Variants in SAMTOR observed in about 807,000 individuals in gnomAD.
The protein encoded by SAMTOR is UPF0532 protein C7orf60.
the SAMTOR span, among the ~76,000 whole-genome samples, chr7:112,915,064 C>T: frequency 2.0e-5 from 3 of 151,916 alleles, no homozygotes; most frequent in Non-Finnish European, 4.4e-5. Flanking sequence ...GATGGTGAAA[C>T]CCCATCTCTA....
the SAMTOR span, chr7:112,832,686 A>G: frequency 8.3e-6 from 12 of 1,451,046 alleles, no homozygotes; most frequent in South Asian, 1.2e-5. Flanking sequence ...CTAAAAACAG[A>G]TATTTTATAA....
the SAMTOR span, among the ~76,000 whole-genome samples, chr7:112,907,190 A>T: frequency 6.6e-6 from 1 of 152,204 alleles, no homozygotes; most frequent in African/African-American, 2.4e-5. Context: ...AACCAACTAT[A>T]TGGGAAAACT....
At chr7:112,939,616 C>T in the SAMTOR span, 2 of 1,614,092 alleles carry the variant, frequency 1.2e-6, no homozygotes, top group East Asian at 2.2e-5. Context: ...TGCGGAGCCG[C>T]CGGTGGACGC....
At chr7:112,878,671 T>C in the SAMTOR span, among the ~76,000 whole-genome samples, 4 of 152,200 alleles carry the variant, frequency 2.6e-5, no homozygotes, top group Non-Finnish European at 5.9e-5. Context: ...GCTGGAATTT[T>C]GCAGGAGCAA....
At chr7:112,829,920 T>C in the SAMTOR span, among the ~76,000 whole-genome samples, 2 of 152,206 alleles carry the variant, frequency 1.3e-5, no homozygotes, top group Admixed American at 6.5e-5. Context: ...CAGTACCTTA[T>C]CTAGTCTCAT....
chr7:112,843,760 TGAG>T, the SAMTOR span, among the ~76,000 whole-genome samples: 1 of 151,884 alleles, frequency 6.6e-6, no homozygotes, highest in Non-Finnish European at 1.5e-5. Flanking sequence ...TCCAAAAGAC[TGAG>T]GAGGAGGGAC....
the SAMTOR span, among the ~76,000 whole-genome samples, chr7:112,874,004 C>T: frequency 6.6e-6 from 1 of 152,140 alleles, no homozygotes; most frequent in African/African-American, 2.4e-5. Context: ...CAATGAGACA[C>T]CGTCTCATAT....
At chr7:112,915,597 A>C in the SAMTOR span, 1 of 487,024 alleles carries the variant, frequency 2.1e-6, no homozygotes, top group Non-Finnish European at 3.3e-6. Flanking sequence ...AAAATGTTTA[A>C]ATAAATGTTT....
chr7:112,835,571 T>A, the SAMTOR span, among the ~76,000 whole-genome samples: 6 of 152,092 alleles, frequency 3.9e-5, no homozygotes, highest in Non-Finnish European at 8.8e-5. Context: ...GTGTACTGAT[T>A]ATTTTGTCAC....
the SAMTOR span, among the ~76,000 whole-genome samples, chr7:112,868,589 G>A: frequency 7.2e-5 from 11 of 152,202 alleles, no homozygotes; most frequent in Non-Finnish European, 1.2e-4. Flanking sequence ...GAAGCTGCAG[G>A]CATTTTCCCA....
At chr7:112,874,188 T>C in the SAMTOR span, among the ~76,000 whole-genome samples, 1 of 152,110 alleles carries the variant, frequency 6.6e-6, no homozygotes, top group Non-Finnish European at 1.5e-5. Context: ...ATCAATCCCA[T>C]TACTGAGTAT....
the SAMTOR span, chr7:112,939,519 G>A: frequency 6.2e-7 from 1 of 1,606,494 alleles, no homozygotes; most frequent in Non-Finnish European, 8.5e-7. Context: ...CCTCTTTGGA[G>A]GAGGGAAGAG....
At chr7:112,825,048 G>C in the SAMTOR span, among the ~76,000 whole-genome samples, 1 of 152,080 alleles carries the variant, frequency 6.6e-6, no homozygotes, top group African/African-American at 2.4e-5. Flanking sequence ...TACAGACAGG[G>C]TCTCACTCTG....
chr7:112,833,617 T>C, the SAMTOR span, among the ~76,000 whole-genome samples: 1 of 152,134 alleles, frequency 6.6e-6, no homozygotes, highest in African/African-American at 2.4e-5. Flanking sequence ...GTAAACTGAG[T>C]AGCAAAACAT....
At chr7:112,925,583 C>T in the SAMTOR span, among the ~76,000 whole-genome samples, 1 of 152,092 alleles carries the variant, frequency 6.6e-6, no homozygotes, top group Admixed American at 6.6e-5. Flanking sequence ...TACCTGAGGT[C>T]AGGAGTTTGA....
chr7:112,844,408 G>T, the SAMTOR span, among the ~76,000 whole-genome samples: 2 of 152,104 alleles, frequency 1.3e-5, no homozygotes, highest in Non-Finnish European at 2.9e-5. Context: ...AGCACCTTCT[G>T]CTGATAAACA....
At chr7:112,909,749 A>G in the SAMTOR span, among the ~76,000 whole-genome samples, 3 of 152,196 alleles carry the variant, frequency 2.0e-5, no homozygotes, top group East Asian at 1.9e-4. Flanking sequence ...TAAAAAACAG[A>G]TAAGTTAAGC....
the SAMTOR span, among the ~76,000 whole-genome samples, chr7:112,880,409 C>A: frequency 1.3e-5 from 2 of 152,194 alleles, no homozygotes; most frequent in South Asian, 4.1e-4. Context: ...CAAAGTTATT[C>A]CCTGAGCCAG....
chr7:112,865,710 T>TATATTTCATATATACATATATTC, the SAMTOR span, among the ~76,000 whole-genome samples: 8 of 146,756 alleles, frequency 5.5e-5, no homozygotes, highest in East Asian at 7.8e-4. Context: ...TATATTCATA[T>TATATTTCATATATACATATATTC]ATATTTCATA....
Sources: allele counts gnomAD v4.1 joint callset (sites outside exome capture counted in the v4.1 genomes callset), GRCh38; gene constraint gnomAD v4.1.1; transcripts MANE v1.5; gene names NCBI Gene and HGNC (gene_info 2026-07-23, HGNC 2026-07-21).